CSRNP3: variants seen among roughly 807,000 people sequenced by gnomAD.
CSRNP3 encodes the protein cysteine/serine-rich nuclear protein 3.
Under a neutral mutation model 48.0 loss-of-function variants are expected in CSRNP3, and 12 were observed. That is an observed-to-expected ratio of 0.25 (90% CI 0.16 to 0.41). The LOEUF (loss-of-function observed/expected upper bound fraction) is 0.41, where lower values mean the gene tolerates loss of function less well. Ranked by LOEUF, CSRNP3 falls within the 10% of genes least tolerant of loss-of-function variation. The pLI, the probability that CSRNP3 is intolerant of heterozygous loss-of-function variation, is 1.00. For synonymous variants in CSRNP3, 263 were observed against 269.7 expected, an observed-to-expected ratio of 0.98 and a Z score of 0.24; for missense variants, 580 against 724.4, an observed-to-expected ratio of 0.80 and a Z score of 2.29.
chr2:165,622,635 C>T (rs12995076), intron 4 of CSRNP3, among the ~76,000 whole-genome samples: 9,771 of 152,150 alleles, frequency 0.064, 362 homozygotes, highest in Middle Eastern at 0.092. Flanking sequence ...AAGTTGGCTA[C>T]ATCAGATCCT....
chr2:165,509,699 A>C (rs1684476206), intron 2 of CSRNP3, among the ~76,000 whole-genome samples: 1 of 152,154 alleles, frequency 6.6e-6, no homozygotes, highest in Admixed American at 6.5e-5. Flanking sequence ...CCCAGTGTTA[A>C]CCTCTTACAT....
intron 3 of CSRNP3, among the ~76,000 whole-genome samples, chr2:165,577,913 T>C (rs1263083172): frequency 1.3e-5 from 2 of 151,972 alleles, no homozygotes; most frequent in Non-Finnish European, 2.9e-5. Context: ...ACATATAGTA[T>C]AGGAACACAC....
chr2:165,650,548 A>G (rs938922270), intron 4 of CSRNP3, among the ~76,000 whole-genome samples: 4 of 152,240 alleles, frequency 2.6e-5, no homozygotes, highest in African/African-American at 7.2e-5. Flanking sequence ...GCTAATTTCT[A>G]TACAAAATAA....
At chr2:165,639,906 G>T (rs183487856) in intron 4 of CSRNP3, among the ~76,000 whole-genome samples, 2 of 152,266 alleles carry the variant, frequency 1.3e-5, no homozygotes, top group East Asian at 3.9e-4. Context: ...TCAATTATCT[G>T]TCAGAAATAT....
At chr2:165,520,840 T>G (rs1329735276) in intron 3 of CSRNP3, among the ~76,000 whole-genome samples, 1 of 128,916 alleles carries the variant, frequency 7.8e-6, no homozygotes, top group Non-Finnish European at 1.6e-5. Context: ...TATTTTTTTT[T>G]CCTTTGAGAC....
intron 6 of CSRNP3, 135 bp downstream of exon 6, chr2:165,676,743 G>C (rs1687433049): frequency 1.1e-5 from 7 of 652,062 alleles, no homozygotes; most frequent in Non-Finnish European, 1.6e-5. Context: ...ATGTAATTCA[G>C]GAAGAAAGAC....
intron 4 of CSRNP3, among the ~76,000 whole-genome samples, chr2:165,612,791 T>G (rs926472097): frequency 6.6e-6 from 1 of 152,022 alleles, no homozygotes; most frequent in African/African-American, 2.4e-5. Flanking sequence ...TATTCTATTG[T>G]GTATATATAC....
chr2:165,627,275 A>G (rs141040399), intron 4 of CSRNP3, among the ~76,000 whole-genome samples: 121 of 151,926 alleles, frequency 8.0e-4, no homozygotes, highest in Admixed American at 3.1e-3. Flanking sequence ...AGGTACAGTA[A>G]TTTTCCTGCC....
chr2:165,529,162 T>G (rs1257643025), intron 3 of CSRNP3, among the ~76,000 whole-genome samples: 1 of 152,124 alleles, frequency 6.6e-6, no homozygotes, highest in Non-Finnish European at 1.5e-5. Flanking sequence ...CTCACACCAG[T>G]CAGAATGGCT....
chr2:165,534,097 C>G (rs1346964109), intron 3 of CSRNP3, among the ~76,000 whole-genome samples: 2 of 151,952 alleles, frequency 1.3e-5, no homozygotes, highest in Non-Finnish European at 2.9e-5. Flanking sequence ...ATCATCTCAT[C>G]AAAGGTTGTA....
intron 3 of CSRNP3, among the ~76,000 whole-genome samples, chr2:165,538,760 T>C (rs982512426): frequency 1.3e-5 from 2 of 151,948 alleles, no homozygotes; most frequent in African/African-American, 4.8e-5. Flanking sequence ...ATTATTTATC[T>C]TTGCATTGAG....
At chr2:165,561,020 T>G (rs1300592946) in intron 3 of CSRNP3, among the ~76,000 whole-genome samples, 1 of 152,218 alleles carries the variant, frequency 6.6e-6, no homozygotes, top group Non-Finnish European at 1.5e-5. Flanking sequence ...AAACATGCCT[T>G]TAAATACTAT....
intron 3 of CSRNP3, among the ~76,000 whole-genome samples, chr2:165,588,460 C>T (rs943196863): frequency 6.6e-5 from 10 of 152,280 alleles, no homozygotes; most frequent in South Asian, 4.1e-4. Flanking sequence ...GCAGTGGATG[C>T]GAGAGAATAA....
chr2:165,634,583 G>A (rs571545607), intron 4 of CSRNP3, among the ~76,000 whole-genome samples: 2 of 152,204 alleles, frequency 1.3e-5, no homozygotes, highest in Admixed American at 6.5e-5. Context: ...ACAGAGAAAG[G>A]AAATAAAGAA....
chr2:165,564,182 T>C (rs542196788), intron 3 of CSRNP3, among the ~76,000 whole-genome samples: 1 of 152,214 alleles, frequency 6.6e-6, no homozygotes, highest in South Asian at 2.1e-4. Context: ...AGCAATCAAG[T>C]CTTTAGGGAT....
At chr2:165,560,957 C>G (rs1685226683) in intron 3 of CSRNP3, among the ~76,000 whole-genome samples, 1 of 152,120 alleles carries the variant, frequency 6.6e-6, no homozygotes, top group Non-Finnish European at 1.5e-5. Context: ...AATGCTATTA[C>G]TTTTATATTT....
At chr2:165,522,121 T>C (rs1356366548) in intron 3 of CSRNP3, among the ~76,000 whole-genome samples, 4 of 151,986 alleles carry the variant, frequency 2.6e-5, no homozygotes, top group Non-Finnish European at 1.5e-5. Context: ...CAAAGCCCCA[T>C]CTCTACAAAA....
At chr2:165,575,218 T>G (rs2105277413) in intron 3 of CSRNP3, among the ~76,000 whole-genome samples, 1 of 152,290 alleles carries the variant, frequency 6.6e-6, no homozygotes, top group East Asian at 1.9e-4. Flanking sequence ...CATAGGAAAG[T>G]CTGTCCTGCA....
At chr2:165,611,569 C>G (rs1328163969) in intron 4 of CSRNP3, among the ~76,000 whole-genome samples, 1 of 152,008 alleles carries the variant, frequency 6.6e-6, no homozygotes, top group Non-Finnish European at 1.5e-5. Flanking sequence ...GGTGGGTTTC[C>G]TTTCCAGTGG....
Sources: allele counts gnomAD v4.1 joint callset (sites outside exome capture counted in the v4.1 genomes callset), GRCh38; gene constraint gnomAD v4.1.1; transcripts MANE v1.5; gene names NCBI Gene and HGNC (gene_info 2026-07-23, HGNC 2026-07-21).